PLAAT3: variants seen among roughly 807,000 people sequenced by gnomAD.
PLAAT3 encodes Ca-independent phospholipase A1/2.
A neutral mutation model predicts 16.7 loss-of-function variants in PLAAT3; 21 were observed. That is an observed-to-expected ratio of 1.26 (90% CI 0.89 to 1.81). PLAAT3 has a LOEUF of 1.81. PLAAT3 is among the 40% of genes most tolerant of loss of function. PLAAT3 has a pLI of 0.00. For synonymous variants in PLAAT3, 76 were observed against 81.7 expected (o/e 0.93, Z 0.38); for missense variants, 219 against 213.7 (o/e 1.02, Z -0.16).
At chr11:63,601,277 A>T (rs1443298210) in intron 2 of PLAAT3, among the ~76,000 whole-genome samples, 2 of 151,388 alleles carry the variant, frequency 1.3e-5, no homozygotes, top group African/African-American at 4.8e-5. Flanking sequence ...GATGGTCGCG[A>T]TCTCCTGACC....
chr11:63,586,794 C>A (rs1937990470), intron 4 of PLAAT3, among the ~76,000 whole-genome samples: 2 of 151,826 alleles, frequency 1.3e-5, no homozygotes, highest in Admixed American at 6.6e-5. Flanking sequence ...TAAAAAGATA[C>A]ATAAATGGGC....
chr11:63,595,998 G>A (rs1367633968), intron 3 of PLAAT3, among the ~76,000 whole-genome samples: 2 of 151,868 alleles, frequency 1.3e-5, no homozygotes, highest in African/African-American at 4.8e-5. Flanking sequence ...TCCCAGCACT[G>A]TGGGAGGCCA....
At position 63,589,409 on chromosome 11, in the gene PLAAT3, C is replaced by CAAAAAAAAAAAAAAAAAAAAAA. The variant is rs748851566; in HGVS notation, c.387+690_387+691insTTTTTTTTTTTTTTTTTTTTTT. Among the ~76,000 whole-genome samples, 4 of 30,750 alleles carry CAAAAAAAAAAAAAAAAAAAAAA rather than the reference C, an allele frequency of 1.3e-4. 2 individuals are homozygous for CAAAAAAAAAAAAAAAAAAAAAA. The highest frequency in any genetic ancestry group is 2.0e-4 in the African/African-American group (2 of 10,168). 20.2% of individuals were successfully genotyped at this position (30,750 alleles called of 152,430 possible). ...CTTCCCAATGTTCTTTTCACCTATG[C>CAAAAAAAAAAAAAAAAAAAAAA]AAAGAAAAAAAAAAAAAAAAAGATG... On this transcript the variant is annotated intron_variant, in intron 4 of 4. Coordinates refer to ENST00000415826, the MANE Select transcript of PLAAT3 (RefSeq NM_001128203.2).
chr11:63,612,119 C>A (rs1169516546), intron 2 of PLAAT3, among the ~76,000 whole-genome samples: 1 of 152,074 alleles, frequency 6.6e-6, no homozygotes, highest in Non-Finnish European at 1.5e-5. Context: ...GCCTGGACAA[C>A]AAGAGTGAAA....
chr11:63,604,927 T>C (rs1169255482), intron 2 of PLAAT3, among the ~76,000 whole-genome samples: 1 of 152,184 alleles, frequency 6.6e-6, no homozygotes, highest in African/African-American at 2.4e-5. Context: ...GAAAGCTCTA[T>C]AACAATATCC....
chr11:63,610,486 T>C (rs1252873342), intron 2 of PLAAT3, among the ~76,000 whole-genome samples: 2 of 152,056 alleles, frequency 1.3e-5, no homozygotes, highest in Non-Finnish European at 1.5e-5. Context: ...TCAGCAGAGG[T>C]GTATGGTGGA....
intron 2 of PLAAT3, among the ~76,000 whole-genome samples, chr11:63,613,539 C>T (rs1437161604): frequency 1.3e-5 from 2 of 152,274 alleles, no homozygotes. Flanking sequence ...CTCCAAATCC[C>T]ATCCTCTGAA....
Position 63,594,026 on chromosome 11 carries a change from A to T in PLAAT3, c.119-3658T>A, listed in dbSNP as rs563051193. ...CTCATACCAGGGCGCTGCAGTGGGGATGGTAAGAAGTGGTCAGAGCTGGGG... is the reference window on the plus strand; with the variant it reads ...CTCATACCAGGGCGCTGCAGTGGGGTTGGTAAGAAGTGGTCAGAGCTGGGG... On this transcript the variant is annotated intron_variant, in intron 3 of 4. Transcript: ENST00000415826. Among the ~76,000 whole-genome samples, 138 of 152,288 alleles carry T rather than the reference A, an allele frequency of 9.1e-4. 7 individuals carry two copies. The South Asian group carries it at 0.028, about 30-fold the overall frequency.
intron 2 of PLAAT3, among the ~76,000 whole-genome samples, chr11:63,610,413 A>G (rs1171578328): frequency 6.6e-6 from 1 of 152,242 alleles, no homozygotes; most frequent in Non-Finnish European, 1.5e-5. Context: ...CCAGCCTGCC[A>G]GCATTCCAAG....
intron 4 of PLAAT3, among the ~76,000 whole-genome samples, chr11:63,583,002 G>A (rs558416240): frequency 7.2e-5 from 11 of 152,120 alleles, no homozygotes; most frequent in East Asian, 5.8e-4. Context: ...ATGGTGGCAC[G>A]CACCTGTAAT....
intron 4 of PLAAT3, among the ~76,000 whole-genome samples, chr11:63,585,852 A>C (rs1590685328): frequency 6.6e-6 from 1 of 152,368 alleles, no homozygotes; most frequent in East Asian, 1.9e-4. Context: ...GTTTACAAAA[A>C]GAATAATGGT....
chr11:63,587,040 C>T (rs1269125833), intron 4 of PLAAT3, among the ~76,000 whole-genome samples: 1 of 152,224 alleles, frequency 6.6e-6, no homozygotes, highest in African/African-American at 2.4e-5. Context: ...GCCAACATCG[C>T]ACCACTGTGC....
intron 2 of PLAAT3, among the ~76,000 whole-genome samples, chr11:63,607,471 G>A (rs568730189): frequency 1.3e-5 from 2 of 151,706 alleles, no homozygotes; most frequent in East Asian, 3.9e-4. Flanking sequence ...GGCCAGCCTG[G>A]GAAACATGTG....
At chr11:63,589,409 CAAAGAAA>C (rs1483977741) in intron 4 of PLAAT3, among the ~76,000 whole-genome samples, 15 of 30,774 alleles carry the variant, frequency 4.9e-4, no homozygotes, top group East Asian at 6.9e-4. Context: ...TTCACCTATG[CAAAGAAA>C]AAAAAAAAAA....
chr11:63,584,710 C>T (rs1359484975), intron 4 of PLAAT3, among the ~76,000 whole-genome samples: 2 of 151,948 alleles, frequency 1.3e-5, no homozygotes, highest in South Asian at 4.1e-4. Context: ...CGGGGTTTCA[C>T]CAGGTTAGCC....
intron 4 of PLAAT3, among the ~76,000 whole-genome samples, chr11:63,587,117 A>G (rs1938000130): frequency 1.3e-5 from 2 of 152,188 alleles, no homozygotes; most frequent in Admixed American, 1.3e-4. Context: ...AAAAAACAAG[A>G]GAGAGAAGAT....
At chr11:63,601,051 A>G (rs1938415027) in intron 2 of PLAAT3, among the ~76,000 whole-genome samples, 1 of 145,618 alleles carries the variant, frequency 6.9e-6, no homozygotes, top group Admixed American at 6.8e-5. Flanking sequence ...AAACAAAAAA[A>G]AAAATTTTTT....
chr11:63,588,800 T>C (rs1032125665), intron 4 of PLAAT3, among the ~76,000 whole-genome samples: 1 of 152,098 alleles, frequency 6.6e-6, no homozygotes, highest in African/African-American at 2.4e-5. Context: ...AATATCCCAC[T>C]GTAGACAGGT....
intron 4 of PLAAT3, among the ~76,000 whole-genome samples, chr11:63,586,450 C>A (rs897040612): frequency 1.3e-5 from 2 of 152,166 alleles, no homozygotes; most frequent in African/African-American, 2.4e-5. Flanking sequence ...GTTCTTTATT[C>A]TGTTAATAAC....
Sources: allele counts gnomAD v4.1 joint callset (sites outside exome capture counted in the v4.1 genomes callset), GRCh38; gene constraint gnomAD v4.1.1; transcripts MANE v1.5; gene names NCBI Gene and HGNC (gene_info 2026-07-23, HGNC 2026-07-21).